Variants in ARHGEF11 observed in about 807,000 individuals in gnomAD.
The protein encoded by ARHGEF11 is Rho guanine nucleotide exchange factor 11.
A neutral mutation model predicts 193.7 loss-of-function variants in ARHGEF11; 55 were observed. That is an observed-to-expected ratio of 0.28 (90% CI 0.23 to 0.36). ARHGEF11 has a LOEUF of 0.36. Ranked by LOEUF, ARHGEF11 falls within the 10% of genes least tolerant of loss-of-function variation. ARHGEF11 has a pLI of 1.00. For synonymous variants in ARHGEF11, 693 were observed against 768.0 expected (o/e 0.90, Z 1.62); for missense variants, 1,723 against 2,005.6 (o/e 0.86, Z 2.69).
At chr1:157,025,291 G>T (rs899782621) in intron 1 of ARHGEF11, among the ~76,000 whole-genome samples, 2 of 152,200 alleles carry the variant, frequency 1.3e-5, no homozygotes, top group Non-Finnish European at 2.9e-5. Context: ...CAACAGGCCT[G>T]AGGTTCCCTA....
At chr1:157,035,771 TACAGGAATATATATATATAG>T (rs1671851186) in intron 1 of ARHGEF11, among the ~76,000 whole-genome samples, 1 of 143,382 alleles carries the variant, frequency 7.0e-6, no homozygotes, top group African/African-American at 2.6e-5. Flanking sequence ...TATATATATA[TACAGGAATATATATATATAG>T]GAATATATAT....
In ARHGEF11 at chr1:156,958,761, C is replaced by T; in HGVS notation, c.1483G>A (p.Ala495Thr). 1 of 1,614,178 alleles carries T rather than the reference C, an allele frequency of 6.2e-7. No individual in the cohort carries two copies. Among genetic ancestry groups the T allele is most frequent in the Non-Finnish European group, 8.5e-7 (1 of 1,180,024 alleles). The change falls in exon 17 of 41, where the codon GCT becomes ACT. Residue 495 changes from alanine (A) to threonine (T), a missense_variant. Around this residue, in one of 5 missense-constraint regions of ARHGEF11, gnomAD observed 646 missense variants for 710.7 expected, o/e 0.91. Transcript: ENST00000368194. ...ACTCACAAAATATCTCCAAGGGCAGCCAGCTGCTTCTCAGCCACTTGGCGC... is the reference window on the plus strand; with the variant it reads ...ACTCACAAAATATCTCCAAGGGCAGTCAGCTGCTTCTCAGCCACTTGGCGC... ...RERQVAEKQL[A>T]ALGDILSKYE...
intron 32 of ARHGEF11, among the ~76,000 whole-genome samples, chr1:156,942,988 C>G (rs536967532): frequency 8.3e-4 from 126 of 152,242 alleles, no homozygotes; most frequent in Non-Finnish European, 1.5e-3. Flanking sequence ...ATGTCATCTT[C>G]CACAGCCACC....
chr1:157,011,578 C>A (rs1668547673), intron 1 of ARHGEF11, among the ~76,000 whole-genome samples: 1 of 152,046 alleles, frequency 6.6e-6, no homozygotes, highest in Non-Finnish European at 1.5e-5. Context: ...TATTTGCAAA[C>A]CACATATCTG....
At chr1:156,939,369 G>T (rs1460337160) in intron 37 of ARHGEF11, 179 bp downstream of exon 37, 4 of 804,228 alleles carry the variant, frequency 5.0e-6, no homozygotes, top group Non-Finnish European at 5.9e-6. Context: ...TCTGAATCTC[G>T]AATGTCCAAC....
intron 1 of ARHGEF11, among the ~76,000 whole-genome samples, chr1:157,026,347 A>G (rs1359126857): frequency 6.6e-6 from 1 of 152,150 alleles, no homozygotes; most frequent in African/African-American, 2.4e-5. Context: ...ACACACACAC[A>G]ATTTCCCCTA....
intron 1 of ARHGEF11, among the ~76,000 whole-genome samples, chr1:156,994,557 A>ATC (rs1320237763): frequency 6.6e-6 from 1 of 152,174 alleles, no homozygotes; most frequent in Admixed American, 6.5e-5. Context: ...TGAAGGTCTT[A>ATC]GACAAAAAGA....
chr1:156,978,309 G>A lies in ARHGEF11; in HGVS notation c.405C>T (p.Asp135=), dbSNP rs749393446. 6.2e-7 allele frequency: 1 copy of A among 1,614,030 alleles called. No homozygotes were observed. The highest frequency in any genetic ancestry group is 1.3e-5 in the African/African-American group (1 of 74,918). The change falls in exon 6 of 41, where the codon GAC becomes GAT. Residue 135 remains aspartate, a synonymous_variant. Transcript: ENST00000368194. The part of the protein sequence containing the change: ...SSMGISGLQQ[D]PSPAGAPRIT... ...TTCGGGGAGCTCCTGCTGGGGATGG[G>A]TCCTGCTGGAGCCCAGAGATGCCCA...
chr1:156,937,581 C>A, intron 38 of ARHGEF11, 85 bp from the exon 39 acceptor site: 1 of 1,420,450 alleles, frequency 7.0e-7, no homozygotes. Flanking sequence ...TCCCCAGCCA[C>A]CTGACAGAGC....
At chr1:156,995,843 G>A (rs1334454333) in intron 1 of ARHGEF11, among the ~76,000 whole-genome samples, 2 of 151,692 alleles carry the variant, frequency 1.3e-5, no homozygotes, top group African/African-American at 4.8e-5. Context: ...GTGCCCGGCC[G>A]GTTTGGGTGC....
In ARHGEF11 at chr1:156,939,752, G is replaced by A. The variant is rs992766463; in HGVS notation, c.3892C>T (p.Pro1298Ser). 4.3e-6 allele frequency: 7 copies of A among 1,613,884 alleles called. 1 individual carries two copies. The Middle Eastern group carries it at 4.9e-4, about 114-fold the overall frequency. The change falls in exon 37 of 41, where the codon CCT becomes TCT. Residue 1298 changes from proline (P) to serine (S), a missense_variant. Physicochemically the swap from Pro to Ser is moderately conservative, Grantham distance 74. Coordinates refer to ENST00000368194, the MANE Select transcript of ARHGEF11 (RefSeq NM_198236.3). ...TGGGTGTTGTCCCCTTCACCCCCAG[G>A]GGGTGCTTGCCCTGGGGAGCCTGGG... ...WDPGSPGQAPPGGEGDNTQLA... is the reference protein window; with the variant it reads ...WDPGSPGQAPSGGEGDNTQLA...
In ARHGEF11 at chr1:156,946,996, C is replaced by T; in HGVS notation, c.2508G>A (p.Met836Ile). Residue 836 changes from methionine to isoleucine, a missense_variant, in exon 27 of 41, where the codon ATG (methionine) becomes ATA (isoleucine). Around this residue, in one of 5 missense-constraint regions of ARHGEF11, gnomAD observed 491 missense variants for 654.5 expected, o/e 0.75. Transcript: ENST00000368194. The part of the protein sequence containing the change: ...IEIHNSWCEA[M>I]KKLREEGPII... Reference sequence around the variant, plus strand: ...TGGGGCCTTCCTCCCGGAGCTTCTTCATGGCTTCACACCAGGAATCTGGGG... The same window carrying T: ...TGGGGCCTTCCTCCCGGAGCTTCTTTATGGCTTCACACCAGGAATCTGGGG... The T allele has an allele frequency of 6.2e-7, 1 of 1,614,158 alleles. No individual in the cohort carries two copies. The highest frequency in any genetic ancestry group is 8.5e-7 in the Non-Finnish European group (1 of 1,180,038).
intron 21 of ARHGEF11, among the ~76,000 whole-genome samples, chr1:156,954,240 T>G (rs1477471876): frequency 6.6e-6 from 1 of 151,650 alleles, no homozygotes; most frequent in African/African-American, 2.4e-5. Flanking sequence ...ATTAGCTGGG[T>G]GTAGTGGCAC....
At chr1:156,983,344 C>T (rs1664467771) in intron 3 of ARHGEF11, among the ~76,000 whole-genome samples, 1 of 152,314 alleles carries the variant, frequency 6.6e-6, no homozygotes, top group Non-Finnish European at 1.5e-5. Context: ...GCCTCAGCCT[C>T]CCGAGTAGCT....
At chr1:156,962,566 T>C (rs886897690) in intron 13 of ARHGEF11, among the ~76,000 whole-genome samples, 2 of 152,064 alleles carry the variant, frequency 1.3e-5, no homozygotes, top group Non-Finnish European at 2.9e-5. Flanking sequence ...AGTCGGTCTG[T>C]ATCTACCTTC....
intron 30 of ARHGEF11, 48 bp from the exon 31 acceptor site, chr1:156,944,481 CAAGT>C (rs1657743620): frequency 7.4e-7 from 1 of 1,343,262 alleles, no homozygotes; most frequent in Non-Finnish European, 1.0e-6. Context: ...TTCATTCATT[CAAGT>C]GTTTGAGAGC....
At chr1:156,962,591 G>C (rs965986597) in intron 13 of ARHGEF11, among the ~76,000 whole-genome samples, 2 of 152,100 alleles carry the variant, frequency 1.3e-5, no homozygotes, top group African/African-American at 4.8e-5. Context: ...AAAAAACGAA[G>C]GAAGAGGCCG....
At chr1:157,040,929 G>A (rs975735058) in intron 1 of ARHGEF11, among the ~76,000 whole-genome samples, 2 of 152,154 alleles carry the variant, frequency 1.3e-5, no homozygotes, top group Non-Finnish European at 2.9e-5. Flanking sequence ...GAACTGGATT[G>A]TACTTTATAG....
intron 1 of ARHGEF11, among the ~76,000 whole-genome samples, chr1:157,025,552 A>C (rs944432922): frequency 6.6e-6 from 1 of 152,198 alleles, no homozygotes; most frequent in East Asian, 1.9e-4. Context: ...TCCTAGCCTG[A>C]GTTGGTAATC....
Sources: gnomAD v4.1 joint callset for allele counts (sites outside exome capture counted in the v4.1 genomes callset) on GRCh38, gnomAD v4.1.1 for gene constraint, gnomAD v4.1.1 regional missense constraint, MANE v1.5 for transcripts, NCBI Gene and HGNC (gene_info 2026-07-23, HGNC 2026-07-21) for gene names.